PHACTR2: variants seen among roughly 807,000 people sequenced by gnomAD.
PHACTR2 encodes the protein phosphatase and actin regulator 2.
In PHACTR2, 30 loss-of-function variants were observed where a neutral mutation model predicts 76.0. That is an observed-to-expected ratio of 0.39 (90% CI 0.30 to 0.54). The LOEUF is 0.54. Ranked by LOEUF, PHACTR2 falls within the 20% of genes least tolerant of loss-of-function variation. PHACTR2 has a pLI of 0.61. For missense variants in PHACTR2, 696 were observed against 781.1 expected (o/e 0.89, Z 1.30); for synonymous variants, 292 against 292.5 (o/e 1.00, Z 0.02).
intron 1 of PHACTR2, among the ~76,000 whole-genome samples, chr6:143,594,262 G>A (rs1775724178): frequency 6.6e-6 from 1 of 152,092 alleles, no homozygotes; most frequent in Non-Finnish European, 1.5e-5. Flanking sequence ...CATTATGTCT[G>A]GTCCCAAACA....
Position 143,818,856 on chromosome 6 carries a change from A to G in PHACTR2, c.1923-4818A>G, listed in dbSNP as rs1311449837. On this transcript the variant is annotated intron_variant, in intron 12 of 12. Coordinates refer to ENST00000440869, the MANE Select transcript of PHACTR2 (RefSeq NM_001100164.2). The surrounding 1 kb of genome is among the most constrained non-coding windows in gnomAD (Gnocchi z 4.9). ...CAAGGTGAGGTTTCGGAGGGAACAC[A>G]GCCAAACCATATCAATTTGCCTTTC... is the stretch of plus-strand genomic sequence containing the variant. Among the ~76,000 whole-genome samples the G allele has an allele frequency of 6.6e-6, 1 of 152,256 alleles. No individual in the cohort carries two copies. Among genetic ancestry groups the G allele is most frequent in the Non-Finnish European group, 1.5e-5 (1 of 68,048 alleles).
chr6:143,587,654 A>C (rs983921779), intron 1 of PHACTR2, among the ~76,000 whole-genome samples: 4 of 152,176 alleles, frequency 2.6e-5, no homozygotes, highest in Admixed American at 6.5e-5. Context: ...AGAGTTTTCT[A>C]TTTTGAAATT....
In PHACTR2 at chr6:143,585,113, C is replaced by T. The variant is rs1775613561; in HGVS notation, c.217+47906C>T. 6.6e-6 allele frequency among the ~76,000 whole-genome samples: 1 copy of T among 152,036 alleles called. No homozygotes were observed. The highest frequency in any genetic ancestry group is 6.6e-5 in the Admixed American group (1 of 15,266). On this transcript the variant is annotated intron_variant, in intron 1 of 11. Transcript: ENST00000367584. The surrounding 1 kb of genome is among the most constrained non-coding windows in gnomAD (Gnocchi z 5.2). Reference sequence around the variant, plus strand: ...GAGTTGTTGACGGGCAGGACCAAGGCCTGGCAGTAGACCCGTACACCAAGG... The same window carrying T: ...GAGTTGTTGACGGGCAGGACCAAGGTCTGGCAGTAGACCCGTACACCAAGG...
intron 6 of PHACTR2, among the ~76,000 whole-genome samples, chr6:143,771,180 ATATATATATGTG>A (rs1775112777): frequency 2.0e-5 from 1 of 50,952 alleles, no homozygotes; most frequent in African/African-American, 1.4e-4. Context: ...ATATGTATAT[ATATATATATGTG>A]TGTATATATA....
intron 1 of PHACTR2, among the ~76,000 whole-genome samples, chr6:143,693,464 C>T (rs552140508): frequency 1.3e-5 from 2 of 152,328 alleles, no homozygotes; most frequent in East Asian, 3.9e-4. Flanking sequence ...TCTCGAAATC[C>T]TGACCTCAGG....
intron 1 of PHACTR2, among the ~76,000 whole-genome samples, chr6:143,540,764 A>C (rs73780432): frequency 0.033 from 4,985 of 152,310 alleles, 279 homozygotes; most frequent in African/African-American, 0.11. Flanking sequence ...TTAAGAAAAC[A>C]AAATATTTTC....
chr6:143,814,788 G>A (rs144074044), intron 12 of PHACTR2, among the ~76,000 whole-genome samples: 157 of 152,048 alleles, frequency 1.0e-3, no homozygotes, highest in African/African-American at 3.5e-3. Flanking sequence ...ATTTTTAGTA[G>A]AGACGGGGTT....
chr6:143,804,336 T>G (rs1213326540), intron 11 of PHACTR2, among the ~76,000 whole-genome samples: 1 of 152,154 alleles, frequency 6.6e-6, no homozygotes, highest in Admixed American at 6.5e-5. Flanking sequence ...AGTAGTCACT[T>G]TTTTTTACAT....
upstream of PHACTR2, among the ~76,000 whole-genome samples, chr6:143,604,605 A>G (rs946622660): frequency 2.6e-5 from 4 of 152,004 alleles, no homozygotes; most frequent in African/African-American, 9.7e-5. Context: ...AATGTGACCC[A>G]GTGCACTGGC....
At chr6:143,582,045 C>T (rs925207329) in intron 1 of PHACTR2, among the ~76,000 whole-genome samples, 2 of 152,092 alleles carry the variant, frequency 1.3e-5, no homozygotes, top group African/African-American at 4.8e-5. Flanking sequence ...GAAAAAAAGA[C>T]CTATCACTCT....
rs1188051038 is a variant in PHACTR2, at chr6:143,597,070, T to C, written c.217+59863T>C. The stretch of plus-strand genomic sequence containing the variant: ...ACATCAAGGTCACATTCTTCTGCTC[T>C]ATACTCTGGATCTTTCTACACTTGG... On this transcript the variant is annotated intron_variant, in intron 1 of 11. Coordinates refer to the PHACTR2 transcript ENST00000367584. This position sits in a 1 kb window ranked among gnomAD's most constrained non-coding sequence, Gnocchi z 5.7. 6.6e-6 allele frequency among the ~76,000 whole-genome samples: 1 copy of C among 152,224 alleles called. No homozygotes were observed. The highest frequency in any genetic ancestry group is 1.5e-5 in the Non-Finnish European group (1 of 68,038).
rs1449049887 is a variant in PHACTR2 at position 143,680,557 on chromosome 6, G to T, written c.46+2348G>T. Among the ~76,000 whole-genome samples the T allele has an allele frequency of 6.6e-6, 1 of 152,146 alleles. No homozygotes were observed. Among genetic ancestry groups the T allele is most frequent in the Non-Finnish European group, 1.5e-5 (1 of 68,016 alleles). ...ACTTTAGGCTCTCTAGAGCCTTTCA[G>T]TTTAGGTTGCACCTAATTCTCTGGG... On this transcript the variant is annotated intron_variant, in intron 1 of 12. Transcript: ENST00000440869. This position sits in a 1 kb window ranked among gnomAD's most constrained non-coding sequence, Gnocchi z 4.5.
chr6:143,745,633 G>A (rs1779043207), intron 2 of PHACTR2, among the ~76,000 whole-genome samples: 1 of 152,248 alleles, frequency 6.6e-6, no homozygotes, highest in East Asian at 1.9e-4. Context: ...TATTTTAAAA[G>A]GTGAAGAATG....
At chr6:143,657,721 G>A (rs975023336) in intron 1 of PHACTR2, among the ~76,000 whole-genome samples, 1 of 152,178 alleles carries the variant, frequency 6.6e-6, no homozygotes, top group African/African-American at 2.4e-5. Flanking sequence ...CATCCCAGTG[G>A]GGGTACTGGC....
rs201294917 is a variant in PHACTR2, at chr6:143,753,740, C to G, written c.296-14C>G. The G allele has an allele frequency of 1.2e-4, 187 of 1,571,980 alleles. No individual in the cohort carries two copies. The highest frequency in any genetic ancestry group is 1.6e-4 in the Admixed American group (8 of 49,782). On this transcript the variant is annotated splice_polypyrimidine_tract_variant and intron_variant, in intron 3 of 12. Transcript: ENST00000440869. The surrounding 1 kb of genome is among the most constrained non-coding windows in gnomAD (Gnocchi z 4.6). ...CAGCAAGTTAGACATCTAGGTGTTT[C>G]TTTCCCATTTTAGATGGAGATGTAA...
intron 2 of PHACTR2, among the ~76,000 whole-genome samples, chr6:143,719,172 C>T (rs1209486682): frequency 3.3e-5 from 5 of 149,538 alleles, no homozygotes; most frequent in South Asian, 2.1e-4. Context: ...CGTGAGCAAC[C>T]GTGCCTGGCC....
At position 143,679,402 on chromosome 6, in the gene PHACTR2, G is replaced by GA. The variant is rs1394022104; in HGVS notation, c.46+1194dup. Among the ~76,000 whole-genome samples, 9 of 152,090 alleles carry GA rather than the reference G, an allele frequency of 5.9e-5. No individual in the cohort carries two copies. The highest frequency in any genetic ancestry group is 1.3e-4 in the Non-Finnish European group (9 of 68,002). On this transcript the variant is annotated intron_variant, in intron 1 of 12. Transcript: ENST00000440869. The surrounding 1 kb of genome is among the most constrained non-coding windows in gnomAD (Gnocchi z 4.6). ...GCTCTGAAATCAAAGACCTCATGTT[G>GA]ACAGCTTTTTGAGAGATATTTGCGG...
rs1775792035 is a variant in PHACTR2, at chr6:143,599,458, C to T, written c.217+62251C>T. Among the ~76,000 whole-genome samples the T allele has an allele frequency of 6.6e-6, 1 of 152,176 alleles. No individual in the cohort carries two copies. The highest frequency in any genetic ancestry group is 2.4e-5 in the African/African-American group (1 of 41,426). ...ATTCTAGAAACAATTGTTGAGTACT[C>T]AGTAGTGTTCTGGGAGCTACGAGGA... On this transcript the variant is annotated intron_variant, in intron 1 of 11. Coordinates refer to the PHACTR2 transcript ENST00000367584. This position sits in a 1 kb window ranked among gnomAD's most constrained non-coding sequence, Gnocchi z 4.6.
chr6:143,790,699 A>T, intron 11 of PHACTR2, among the ~76,000 whole-genome samples: 1 of 141,762 alleles, frequency 7.1e-6, no homozygotes, highest in Admixed American at 7.4e-5. Flanking sequence ...TTTGAGACGG[A>T]GTCTCACTCT....
Sources: gnomAD v4.1 joint callset for allele counts (sites outside exome capture counted in the v4.1 genomes callset) on GRCh38, gnomAD v4.1.1 for gene constraint, Gnocchi (gnomAD v3.1) non-coding constraint, MANE v1.5 for transcripts, NCBI Gene and HGNC (gene_info 2026-07-23, HGNC 2026-07-21) for gene names.